The following LSM8 variants were observed in gnomAD, a reference collection of about 807,000 sequenced individuals.
The protein encoded by LSM8 is LSM8 U6 small nuclear RNA associated.
LSM8 carries 14 observed loss-of-function variants against 15.0 expected under a neutral mutation model. The ratio of observed to expected loss-of-function variants is 0.93; its 90% CI spans 0.62 to 1.46. LSM8 has a LOEUF of 1.46. Ranked by LOEUF, LSM8 falls within the 40% of genes most tolerant of loss-of-function variation. The pLI is 0.00. For missense variants in LSM8, 90 were observed against 115.4 expected (o/e 0.78, Z 1.01); for synonymous variants, 50 against 42.1 (o/e 1.19, Z -0.73).
At position 118,197,952 on chromosome 7, in the gene LSM8, C is replaced by G. The variant is rs778446556; in HGVS notation, c.*5950C>G. Among the ~76,000 whole-genome samples, 12 of 152,054 alleles carry G rather than the reference C, an allele frequency of 7.9e-5. No homozygotes were observed. The highest frequency in any genetic ancestry group is 1.5e-4 in the Non-Finnish European group (10 of 68,028). The stretch of plus-strand genomic sequence containing the variant: ...AATATTAATGATAGCTAACAATTAT[C>G]CTGATATTGAATGATGGACTCCAAA... On this transcript the variant is annotated 3_prime_UTR_variant, in exon 4 of 4. Transcript: ENST00000249299.
At chr7:118,185,552 C>T (rs1158289611) in intron 1 of LSM8, 102 bp from the exon 2 acceptor site, 4 of 1,027,698 alleles carry the variant, frequency 3.9e-6, no homozygotes, top group East Asian at 2.4e-5. Context: ...AATACTTATA[C>T]CTAGTTGTCA....
At position 118,196,860 on chromosome 7, in the gene LSM8, GC is replaced by G. The variant is rs1458301606; in HGVS notation, c.*4859del. On this transcript the variant is annotated 3_prime_UTR_variant, in exon 4 of 4. Coordinates refer to ENST00000249299, the MANE Select transcript of LSM8 (RefSeq NM_016200.5). ...TTCCCCTGCCTTAGCCTCCCGAGTA[GC>G]TGGGACTACAGGCACGCGCCACCAC... is the stretch of plus-strand genomic sequence containing the variant. 6.6e-6 allele frequency among the ~76,000 whole-genome samples: 1 copy of G among 151,744 alleles called. No homozygotes were observed. The highest frequency in any genetic ancestry group is 6.6e-5 in the Admixed American group (1 of 15,212).
chr7:118,201,257 AAAG>A lies in LSM8; in HGVS notation c.*9260_*9262del, dbSNP rs1809168961. Among the ~76,000 whole-genome samples the A allele has an allele frequency of 6.6e-6, 1 of 152,058 alleles. No homozygotes were observed. Among genetic ancestry groups the A allele is most frequent in the Non-Finnish European group, 1.5e-5 (1 of 67,964 alleles). ...CATCTAGCTGAATTTCCTTTATATT[AAAG>A]AAGAGGAGAAAATCTTAATACTAAG... On this transcript the variant is annotated 3_prime_UTR_variant, in exon 4 of 4. Transcript: ENST00000249299.
chr7:118,184,335 C>G (rs1001857001), intron 1 of LSM8, 81 bp downstream of exon 1: 3 of 1,381,194 alleles, frequency 2.2e-6, no homozygotes, highest in Admixed American at 6.3e-5. Flanking sequence ...GGTTGGGAGG[C>G]CTGGCCTCGG....
At chr7:118,184,835 G>T (rs1808857814) in intron 1 of LSM8, 1 of 152,228 alleles carries the variant, frequency 6.6e-6, no homozygotes, top group African/African-American at 2.4e-5. Flanking sequence ...CCGTTTTAAA[G>T]TCTTAGGACA....
At chr7:118,190,875 C>T (rs1744840262) in intron 3 of LSM8, 1 of 152,130 alleles carries the variant, frequency 6.6e-6, no homozygotes, top group African/African-American at 2.4e-5. Flanking sequence ...GAGGCTGAGG[C>T]TGGCGAATTA....
Position 118,196,979 on chromosome 7 carries a change from G to A in LSM8, c.*4977G>A, listed in dbSNP as rs1054843113. Among the ~76,000 whole-genome samples the A allele has an allele frequency of 1.6e-4, 24 of 151,668 alleles. No individual in the cohort carries two copies. Among genetic ancestry groups the A allele is most frequent in the African/African-American group, 5.8e-4 (24 of 41,346 alleles). ...CCTGACCTCGTGATCTGCCCACTTCGGCGTCCCAAAGTGCTGGAATTACAG... is the reference window on the plus strand; with the variant it reads ...CCTGACCTCGTGATCTGCCCACTTCAGCGTCCCAAAGTGCTGGAATTACAG... On this transcript the variant is annotated 3_prime_UTR_variant, in exon 4 of 4. Transcript: ENST00000249299.
rs931495110 is a variant in LSM8, at chr7:118,194,216, A to C, written c.*2214A>C. Among the ~76,000 whole-genome samples the C allele has an allele frequency of 7.2e-5, 11 of 152,038 alleles. No individual in the cohort carries two copies. The highest frequency in any genetic ancestry group is 5.3e-4 in the Admixed American group (8 of 15,234). On this transcript the variant is annotated 3_prime_UTR_variant, in exon 4 of 4. Coordinates refer to ENST00000249299, the MANE Select transcript of LSM8 (RefSeq NM_016200.5). Reference sequence around the variant, plus strand: ...CTATAATCAGTTCTTATTTATAAAGAGGCGCAAATCAATTTCAACCTGTAA... The same window carrying C: ...CTATAATCAGTTCTTATTTATAAAGCGGCGCAAATCAATTTCAACCTGTAA...
In LSM8 at chr7:118,198,123, G is replaced by A. The variant is rs147860888; in HGVS notation, c.*6121G>A. On this transcript the variant is annotated 3_prime_UTR_variant, in exon 4 of 4. Transcript: ENST00000249299. ...TATGCTTCCCTGGTGCAAAGGTAAT[G>A]TGATGTTTTTAATCACATATTTTAA... Among the ~76,000 whole-genome samples the A allele has an allele frequency of 0.019, 2,856 of 152,234 alleles. 48 individuals are homozygous for A. Among genetic ancestry groups the A allele is most frequent in the Non-Finnish European group, 0.03 (2,013 of 68,000 alleles).
chr7:118,184,735 T>G (rs1268531263), intron 1 of LSM8: 1 of 152,554 alleles, frequency 6.6e-6, no homozygotes, highest in Non-Finnish European at 1.5e-5. Context: ...GTTGGTAGAA[T>G]GAAAAAAAAT....
At position 118,194,219 on chromosome 7, in the gene LSM8, C is replaced by T. The variant is rs752019806; in HGVS notation, c.*2217C>T. Among the ~76,000 whole-genome samples, 6 of 151,918 alleles carry T rather than the reference C, an allele frequency of 3.9e-5. No homozygotes were observed. Among genetic ancestry groups the T allele is most frequent in the South Asian group, 2.1e-4 (1 of 4,824 alleles). ...TAATCAGTTCTTATTTATAAAGAGGCGCAAATCAATTTCAACCTGTAATTA... is the reference window on the plus strand; with the variant it reads ...TAATCAGTTCTTATTTATAAAGAGGTGCAAATCAATTTCAACCTGTAATTA... On this transcript the variant is annotated 3_prime_UTR_variant, in exon 4 of 4. Coordinates refer to ENST00000249299, the MANE Select transcript of LSM8 (RefSeq NM_016200.5).
At position 118,203,835 on chromosome 7, in the gene LSM8, G is replaced by A. The variant is rs1220538009; in HGVS notation, c.*11833G>A. On this transcript the variant is annotated 3_prime_UTR_variant, in exon 4 of 4. Coordinates refer to ENST00000249299, the MANE Select transcript of LSM8 (RefSeq NM_016200.5). ...TCCTTTATATTTATCATGCTTTTTTGAATAAATTTGCCACCTTATTGCATA... is the reference window on the plus strand; with the variant it reads ...TCCTTTATATTTATCATGCTTTTTTAAATAAATTTGCCACCTTATTGCATA... Among the ~76,000 whole-genome samples, 1 of 151,304 alleles carries A rather than the reference G, an allele frequency of 6.6e-6. No individual in the cohort carries two copies.
intron 1 of LSM8, 124 bp from the exon 2 acceptor site, chr7:118,185,530 G>T: frequency 1.2e-6 from 1 of 818,162 alleles, no homozygotes. Context: ...AGTGAACTTA[G>T]TGGCTGTGTT....
rs976795121 is a variant in LSM8 at position 118,201,762 on chromosome 7, A to C, written c.*9760A>C. 4.6e-5 allele frequency among the ~76,000 whole-genome samples: 7 copies of C among 152,094 alleles called. No homozygotes were observed. Among genetic ancestry groups the C allele is most frequent in the Non-Finnish European group, 8.8e-5 (6 of 67,986 alleles). ...ATAAAATAAAATTATTGGTCATTTC[A>C]TGTATACATTTGTGGTAACACTTTA... is the stretch of plus-strand genomic sequence containing the variant. On this transcript the variant is annotated 3_prime_UTR_variant, in exon 4 of 4. Transcript: ENST00000249299.
At chr7:118,186,225 C>A (rs1019944016) in intron 2 of LSM8, among the ~76,000 whole-genome samples, 1 of 152,066 alleles carries the variant, frequency 6.6e-6, no homozygotes, top group Non-Finnish European at 1.5e-5. Context: ...TTCTCCCTTG[C>A]TAATTTATGT....
intron 1 of LSM8, 117 bp from the exon 2 acceptor site, chr7:118,185,537 T>G (rs981394166): frequency 2.5e-4 from 217 of 859,226 alleles, no homozygotes; most frequent in Admixed American, 2.1e-5. Flanking sequence ...TTAGTGGCTG[T>G]GTTGAATACT....
rs550093692 is a variant in LSM8 at position 118,195,625 on chromosome 7, G to T, written c.*3623G>T. 2.1e-4 allele frequency among the ~76,000 whole-genome samples: 32 copies of T among 152,278 alleles called. 1 individual carries two copies. The South Asian group carries it at 5.6e-3, about 27-fold the overall frequency. ...CGAATATTCTTGACTCAAGGAGTTT[G>T]AAAGTGTAAACTCAAAGGTCTTTCA... On this transcript the variant is annotated 3_prime_UTR_variant, in exon 4 of 4. Coordinates refer to ENST00000249299, the MANE Select transcript of LSM8 (RefSeq NM_016200.5).
Position 118,200,362 on chromosome 7 carries a change from G to C in LSM8, c.*8360G>C, listed in dbSNP as rs1809151900. On this transcript the variant is annotated 3_prime_UTR_variant, in exon 4 of 4. Transcript: ENST00000249299. The stretch of plus-strand genomic sequence containing the variant: ...AATGATGCAGCTCTCACTGGTACAA[G>C]TGAAAAACCTCTCAGCCCTACACAG... Among the ~76,000 whole-genome samples the C allele has an allele frequency of 6.6e-6, 1 of 152,018 alleles. No individual in the cohort carries two copies.
At position 118,193,490 on chromosome 7, in the gene LSM8, A is replaced by C. The variant is rs1192607865; in HGVS notation, c.*1488A>C. Among the ~76,000 whole-genome samples, 1 of 152,090 alleles carries C rather than the reference A, an allele frequency of 6.6e-6. No individual in the cohort carries two copies. Among genetic ancestry groups the C allele is most frequent in the Non-Finnish European group, 1.5e-5 (1 of 67,958 alleles). On this transcript the variant is annotated 3_prime_UTR_variant, in exon 4 of 4. Coordinates refer to ENST00000249299, the MANE Select transcript of LSM8 (RefSeq NM_016200.5). ...ATATCTTCACTCAAATCAGCCTTATAAGGGGAGAAGCACTATTCTCTAGAA... is the reference window on the plus strand; with the variant it reads ...ATATCTTCACTCAAATCAGCCTTATCAGGGGAGAAGCACTATTCTCTAGAA...
Sources: allele counts gnomAD v4.1 joint callset (sites outside exome capture counted in the v4.1 genomes callset), GRCh38; gene constraint gnomAD v4.1.1; transcripts MANE v1.5; gene names NCBI Gene and HGNC (gene_info 2026-07-23, HGNC 2026-07-21).